The following FGF13 variants were observed in gnomAD, a reference collection of about 807,000 sequenced individuals.
FGF13 encodes fibroblast growth factor 13, also known as fibroblast growth factor homologous factor 2.
FGF13 carries 2 observed loss-of-function variants against 19.5 expected under a neutral mutation model. That is an observed-to-expected ratio of 0.10 (90% CI 0.04 to 0.32). The LOEUF (loss-of-function observed/expected upper bound fraction) is 0.32, where lower values mean the gene tolerates loss of function less well. Among genes scored for constraint, FGF13 ranks in the 10% least tolerant of loss-of-function variants. The probability of loss-of-function intolerance (pLI) is 1.00; values close to 1 mark genes in which losing one functional copy is unlikely to be tolerated. For missense variants in FGF13, 113 were observed against 192.7 expected, an observed-to-expected ratio of 0.59 and a Z score of 2.45; for synonymous variants, 72 against 76.9, an observed-to-expected ratio of 0.94 and a Z score of 0.33.
chrX:138,646,067 A>G (rs928140811), intron 3 of FGF13, among the ~76,000 whole-genome samples: 2 of 112,453 alleles, frequency 1.8e-5, no homozygotes, highest in Admixed American at 1.9e-4. Flanking sequence ...TACTAATAAC[A>G]ATAATGAAAA....
At chrX:138,640,308 G>C (rs778119525) in intron 3 of FGF13, among the ~76,000 whole-genome samples, 1 of 112,054 alleles carries the variant, frequency 8.9e-6, no homozygotes, top group South Asian at 3.7e-4. Flanking sequence ...CTTTAGAGAG[G>C]CAAGTAAAGA....
intron 3 of FGF13, among the ~76,000 whole-genome samples, chrX:138,673,201 T>C (rs2089631760): frequency 9.0e-6 from 1 of 111,276 alleles, no homozygotes. Flanking sequence ...TGGTAAGGGA[T>C]ATGCAATAAA....
At chrX:139,029,754 A>G (rs939878972) in intron 1 of FGF13, among the ~76,000 whole-genome samples, 2 of 111,106 alleles carry the variant, frequency 1.8e-5, no homozygotes, top group African/African-American at 3.3e-5. Context: ...ATGAGGCTCA[A>G]TTTACCTGCT....
chrX:139,068,876 T>C (rs964144139), intron 1 of FGF13, among the ~76,000 whole-genome samples: 6 of 111,387 alleles, frequency 5.4e-5, no homozygotes, highest in African/African-American at 1.6e-4. Flanking sequence ...TCATCATCAC[T>C]GGCCATCAGA....
chrX:139,053,070 GT>G (rs1167240670), intron 1 of FGF13, among the ~76,000 whole-genome samples: 1 of 101,961 alleles, frequency 9.8e-6, no homozygotes, highest in Non-Finnish European at 2.0e-5. Flanking sequence ...TGTCCTCATA[GT>G]TTAGCTCCCA....
At chrX:138,918,169 A>C in intron 1 of FGF13, among the ~76,000 whole-genome samples, 1 of 110,818 alleles carries the variant, frequency 9.0e-6, no homozygotes, top group East Asian at 2.8e-4. Context: ...GAAGACAAAA[A>C]AAAAAATAGG....
At chrX:139,082,618 C>T (rs186544349) in intron 1 of FGF13, among the ~76,000 whole-genome samples, 1 of 110,965 alleles carries the variant, frequency 9.0e-6, no homozygotes, top group African/African-American at 3.3e-5. Context: ...AAAGGATTAC[C>T]AGTAACTACC....
At chrX:139,201,911 G>T (rs2148284305) in intron 1 of FGF13, among the ~76,000 whole-genome samples, 1 of 111,834 alleles carries the variant, frequency 8.9e-6, no homozygotes, top group South Asian at 3.8e-4. Flanking sequence ...TCTTCTCGGG[G>T]AAGTAAACTC....
chrX:138,946,943 T>C (rs191139523), intron 1 of FGF13, among the ~76,000 whole-genome samples: 1 of 112,222 alleles, frequency 8.9e-6, no homozygotes, highest in Non-Finnish European at 1.9e-5. Context: ...AAATAGACCA[T>C]TTCAGTACTG....
intron 1 of FGF13, among the ~76,000 whole-genome samples, chrX:138,899,997 T>C (rs1386670291): frequency 9.0e-6 from 1 of 110,909 alleles, no homozygotes; most frequent in Non-Finnish European, 1.9e-5. Flanking sequence ...GGGTTTATTC[T>C]CATGAAAGGA....
At position 138,893,467 on chromosome X, in the gene FGF13, T is replaced by C. The variant is rs1018393266; in HGVS notation, c.-112-28817A>G. Among the ~76,000 whole-genome samples the C allele has an allele frequency of 2.7e-5, 3 of 110,892 alleles. No homozygotes were observed. The Admixed American group carries it at 2.9e-4, about 11-fold the overall frequency. ...GGGATTACCACCCCCATTTTAAAGA[T>C]AGGGAAGCTGATGCCTAGAGAGATG... On this transcript the variant is annotated intron_variant, in intron 1 of 2. Transcript: ENST00000421460.
intron 3 of FGF13, among the ~76,000 whole-genome samples, chrX:138,653,269 A>G (rs2089397126): frequency 9.0e-6 from 1 of 111,515 alleles, no homozygotes; most frequent in African/African-American, 3.3e-5. Flanking sequence ...AGAAATATTA[A>G]CCAAATACAT....
intron 1 of FGF13, among the ~76,000 whole-genome samples, chrX:138,982,931 T>C (rs1169847486): frequency 1.8e-5 from 2 of 112,556 alleles, no homozygotes; most frequent in African/African-American, 6.5e-5. Context: ...GAAATGTCTA[T>C]TTAAGCAATT....
At chrX:139,142,241 T>C (rs1342930285) in intron 1 of FGF13, among the ~76,000 whole-genome samples, 1 of 112,114 alleles carries the variant, frequency 8.9e-6, no homozygotes, top group Non-Finnish European at 1.9e-5. Context: ...CAATGACTGA[T>C]GTTTATTGTC....
intron 1 of FGF13, among the ~76,000 whole-genome samples, chrX:139,161,800 C>A (rs1419359850): frequency 9.0e-6 from 1 of 111,495 alleles, no homozygotes; most frequent in Non-Finnish European, 1.9e-5. Flanking sequence ...CTCCCATTCA[C>A]AATTGCTACA....
At chrX:139,063,009 T>C (rs2092341289) in intron 1 of FGF13, among the ~76,000 whole-genome samples, 1 of 111,950 alleles carries the variant, frequency 8.9e-6, no homozygotes, top group East Asian at 2.8e-4. Context: ...TATTTTTTGC[T>C]TTAAATTGGT....
chrX:138,984,570 AAGAAGAAGAAGAAGAAGAAGGAGG>A (rs1167337924), intron 1 of FGF13, among the ~76,000 whole-genome samples: 16 of 52,014 alleles, frequency 3.1e-4, no homozygotes, highest in African/African-American at 1.2e-3. Flanking sequence ...GAAGAAGAAG[AAGAAGAAGAAGAAGAAGAAGGAGG>A]AGGAGGAGGA....
At chrX:139,048,109 T>C (rs1184127561) in intron 1 of FGF13, among the ~76,000 whole-genome samples, 1 of 111,701 alleles carries the variant, frequency 9.0e-6, no homozygotes, top group African/African-American at 3.3e-5. Context: ...TTATACCGTT[T>C]TCTAATACTT....
Position 138,624,810 on chromosome X carries a change from G to C in FGF13, c.*8040C>G, listed in dbSNP as rs745732681. 2.7e-5 allele frequency: 3 copies of C among 111,606 alleles called. No individual in the cohort carries two copies. Among genetic ancestry groups the C allele is most frequent in the Non-Finnish European group, 5.6e-5 (3 of 53,188 alleles). 9.2% of individuals were successfully genotyped at this position (111,606 alleles called of 1,213,427 possible). ...ATCACACCACTGCACTCCAGCCTGG[G>C]TGACAGAGTGAGACACTGTTTCAAA... On this transcript the variant is annotated 3_prime_UTR_variant, in exon 5 of 5. Coordinates refer to ENST00000315930, the MANE Select transcript of FGF13 (RefSeq NM_004114.5).
Sources: gnomAD v4.1 joint callset for allele counts (sites outside exome capture counted in the v4.1 genomes callset) on GRCh38, gnomAD v4.1.1 for gene constraint, MANE v1.5 for transcripts, NCBI Gene and HGNC (gene_info 2026-07-23, HGNC 2026-07-21) for gene names.